AP3S1: variants seen among roughly 807,000 people sequenced by gnomAD.
AP3S1 encodes the protein adaptor related protein complex 3 subunit sigma 1, also known as AP-3 complex subunit sigma-1.
Under a neutral mutation model 21.3 loss-of-function variants are expected in AP3S1, and 12 were observed. The observed-to-expected ratio is 0.56, with a 90% confidence interval of 0.36 to 0.91. AP3S1 has a LOEUF of 0.91. AP3S1 is among the 40% of genes least tolerant of loss of function. The pLI is 0.01. For synonymous variants in AP3S1, 48 were observed against 78.4 expected (o/e 0.61, Z 2.05); for missense variants, 116 against 225.0 (o/e 0.52, Z 3.10).
chr5:115,902,316 G>A (rs1182043235), intron 4 of AP3S1, among the ~76,000 whole-genome samples: 1 of 152,158 alleles, frequency 6.6e-6, no homozygotes, highest in Non-Finnish European at 1.5e-5. Context: ...ATTGTAAGAT[G>A]TATTTATTAG....
chr5:115,858,755 A>G lies in AP3S1; in HGVS notation c.70-7915A>G, dbSNP rs539501646. Among the ~76,000 whole-genome samples, 380 of 150,220 alleles carry G rather than the reference A, an allele frequency of 2.5e-3. 3 individuals are homozygous for G. Among genetic ancestry groups the G allele is most frequent in the African/African-American group, 8.7e-3 (358 of 41,144 alleles). Reference sequence around the variant, plus strand: ...TCTCCATATATTTTAAATTCCCATGAGCTTCTTTATTTCTGAATTTCACTC... The same window carrying G: ...TCTCCATATATTTTAAATTCCCATGGGCTTCTTTATTTCTGAATTTCACTC... On this transcript the variant is annotated intron_variant, in intron 1 of 5. Coordinates refer to ENST00000316788, the MANE Select transcript of AP3S1 (RefSeq NM_001284.4).
intron 1 of AP3S1, among the ~76,000 whole-genome samples, chr5:115,859,013 GT>G (rs1462813382): frequency 3.3e-5 from 5 of 151,748 alleles, no homozygotes; most frequent in African/African-American, 1.2e-4. Context: ...TGTTACATAG[GT>G]ATACAAGTGC....
intron 3 of AP3S1, among the ~76,000 whole-genome samples, chr5:115,885,157 C>G (rs143762490): frequency 1.3e-5 from 2 of 152,238 alleles, no homozygotes; most frequent in African/African-American, 2.4e-5. Context: ...TAATGACTTT[C>G]CATTTGTATT....
intron 1 of AP3S1, among the ~76,000 whole-genome samples, chr5:115,851,628 CTA>C (rs746525065): frequency 1.1e-4 from 16 of 152,122 alleles, no homozygotes; most frequent in Admixed American, 9.2e-4. Flanking sequence ...GGAAAAATAT[CTA>C]TTTGAGTCTT....
chr5:115,843,574 A>C (rs1761819835), intron 1 of AP3S1, among the ~76,000 whole-genome samples: 1 of 152,248 alleles, frequency 6.6e-6, no homozygotes. Flanking sequence ...TGTTTGTTAA[A>C]ATATAGTACC....
At chr5:115,845,958 G>C (rs1580602568) in intron 1 of AP3S1, among the ~76,000 whole-genome samples, 1 of 145,092 alleles carries the variant, frequency 6.9e-6, no homozygotes, top group African/African-American at 2.6e-5. Flanking sequence ...CAAATGTTTT[G>C]CTTGGTTTGT....
intron 4 of AP3S1, among the ~76,000 whole-genome samples, chr5:115,897,638 C>T (rs1420056861): frequency 6.6e-6 from 1 of 151,690 alleles, no homozygotes; most frequent in African/African-American, 2.4e-5. Flanking sequence ...CGGCTTAATG[C>T]AAGCTCCACC....
chr5:115,854,417 T>G (rs774879861), intron 1 of AP3S1, among the ~76,000 whole-genome samples: 12 of 152,172 alleles, frequency 7.9e-5, no homozygotes, highest in Non-Finnish European at 1.8e-4. Context: ...ATGAGATATC[T>G]TGGAGAGTTC....
chr5:115,896,514 C>T (rs112968298), intron 4 of AP3S1, among the ~76,000 whole-genome samples: 3 of 152,302 alleles, frequency 2.0e-5, no homozygotes, highest in African/African-American at 7.2e-5. Context: ...TGCAGGTGCT[C>T]ATGTCTGTAA....
intron 1 of AP3S1, among the ~76,000 whole-genome samples, chr5:115,861,095 A>G (rs174046): frequency 0.14 from 21,405 of 152,198 alleles, 1,943 homozygotes; most frequent in Middle Eastern, 0.2. Context: ...ATTTGAGCAC[A>G]TTGTTATAAG....
chr5:115,871,385 T>G (rs1748228116), intron 3 of AP3S1, among the ~76,000 whole-genome samples: 1 of 152,166 alleles, frequency 6.6e-6, no homozygotes, highest in African/African-American at 2.4e-5. Context: ...TCCTGGTGTC[T>G]TCAAAATCTG....
chr5:115,876,073 A>G (rs1748687456), intron 3 of AP3S1, among the ~76,000 whole-genome samples: 1 of 152,122 alleles, frequency 6.6e-6, no homozygotes, highest in South Asian at 2.1e-4. Flanking sequence ...TCAGGGTGTT[A>G]GAGTCAGGTA....
At chr5:115,859,016 T>C (rs943547470) in intron 1 of AP3S1, among the ~76,000 whole-genome samples, 2 of 152,132 alleles carry the variant, frequency 1.3e-5, no homozygotes, top group African/African-American at 2.4e-5. Context: ...TACATAGGTA[T>C]ACAAGTGCCA....
intron 1 of AP3S1, among the ~76,000 whole-genome samples, chr5:115,857,043 A>G (rs1289510098): frequency 1.3e-5 from 2 of 152,182 alleles, no homozygotes; most frequent in African/African-American, 2.4e-5. Context: ...GCATTCTAAG[A>G]AGATTCCAAG....
chr5:115,847,576 G>A (rs576682530), intron 1 of AP3S1, among the ~76,000 whole-genome samples: 2 of 152,176 alleles, frequency 1.3e-5, no homozygotes, highest in East Asian at 1.9e-4. Flanking sequence ...CTGAGATTGC[G>A]CCATTGCGCT....
At chr5:115,852,426 A>G (rs372223127) in intron 1 of AP3S1, among the ~76,000 whole-genome samples, 1 of 152,096 alleles carries the variant, frequency 6.6e-6, no homozygotes, top group South Asian at 2.1e-4. Flanking sequence ...ATTTTCTCTG[A>G]GAAATTAGCT....
intron 3 of AP3S1, among the ~76,000 whole-genome samples, chr5:115,887,936 G>C (rs1749942976): frequency 6.6e-6 from 1 of 152,022 alleles, no homozygotes; most frequent in Admixed American, 6.6e-5. Context: ...GGGAAAGGAG[G>C]ACTCTTTATA....
intron 5 of AP3S1, among the ~76,000 whole-genome samples, chr5:115,905,293 T>G (rs891546889): frequency 2.0e-5 from 3 of 152,228 alleles, no homozygotes; most frequent in East Asian, 1.9e-4. Context: ...AATTTACATT[T>G]CAATGGAAAT....
At chr5:115,848,369 CTGA>C (rs1477973888) in intron 1 of AP3S1, among the ~76,000 whole-genome samples, 1 of 152,076 alleles carries the variant, frequency 6.6e-6, no homozygotes, top group African/African-American at 2.4e-5. Context: ...TGCTTTGAAG[CTGA>C]TGATGGATTT....
Sources: allele counts gnomAD v4.1 joint callset (sites outside exome capture counted in the v4.1 genomes callset), GRCh38; gene constraint gnomAD v4.1.1; transcripts MANE v1.5; gene names NCBI Gene and HGNC (gene_info 2026-07-23, HGNC 2026-07-21).